The following WWC1 variants were observed in gnomAD, a reference collection of about 807,000 sequenced individuals.
The protein encoded by WWC1 is WW and C2 domain containing 1.
Under a neutral mutation model 138.4 loss-of-function variants are expected in WWC1, and 55 were observed. The ratio of observed to expected loss-of-function variants is 0.40; its 90% confidence interval spans 0.32 to 0.50. The LOEUF (loss-of-function observed/expected upper bound fraction) is 0.50, where lower values mean the gene tolerates loss of function less well. WWC1 is among the 20% of genes least tolerant of loss of function. WWC1 has a pLI of 0.72. For missense variants in WWC1, 1,226 were observed against 1,420.4 expected (o/e 0.86, Z 2.20); for synonymous variants, 524 against 564.9 (o/e 0.93, Z 1.03).
Position 168,303,691 on chromosome 5 carries a change from A to G in WWC1, c.119+11420A>G, listed in dbSNP as rs535063697. On this transcript the variant is annotated intron_variant, in intron 1 of 22. Coordinates refer to ENST00000265293, the MANE Select transcript of WWC1 (RefSeq NM_015238.3). ...AGGGACTTCTCTTTCATTAGAATGT[A>G]TAGAATTTGTATTTTCATGGCCACA... Among the ~76,000 whole-genome samples the G allele has an allele frequency of 2.7e-3, 417 of 152,230 alleles. 1 individual carries two copies. The highest frequency in any genetic ancestry group is 4.9e-3 in the Non-Finnish European group (333 of 68,006).
At chr5:168,316,156 GACC>G (rs1771573703) in intron 1 of WWC1, among the ~76,000 whole-genome samples, 1 of 152,008 alleles carries the variant, frequency 6.6e-6, no homozygotes, top group Admixed American at 6.6e-5. Flanking sequence ...CAGAATTTGC[GACC>G]ACGATTTTCT....
chr5:168,319,197 A>G (rs1305480254), intron 1 of WWC1, among the ~76,000 whole-genome samples: 1 of 152,156 alleles, frequency 6.6e-6, no homozygotes, highest in Non-Finnish European at 1.5e-5. Context: ...AGGTGAGTGG[A>G]TCACCTGACG....
At chr5:168,441,646 C>A in intron 15 of WWC1, 36 bp from the exon 16 acceptor site, 1 of 1,600,762 alleles carries the variant, frequency 6.2e-7, no homozygotes, top group Non-Finnish European at 8.5e-7. Flanking sequence ...TCCCCCCCAC[C>A]GCCACTTATG....
In WWC1 at chr5:168,343,118, A is replaced by G. The variant is rs1774182228; in HGVS notation, c.120-28306A>G. On this transcript the variant is annotated intron_variant, in intron 1 of 22. Transcript: ENST00000265293. ...GCAGATGGACCTCCCAATTTTCTCA[A>G]CTTTACTTCCCTTTCACATTTGCAC... is the stretch of plus-strand genomic sequence containing the variant. Among the ~76,000 whole-genome samples the G allele has an allele frequency of 3.3e-5, 5 of 149,796 alleles. No individual in the cohort carries two copies. In the South Asian group the frequency reaches 8.4e-4, roughly 25 times the overall value.
chr5:168,454,819 C>T (rs1054376198), intron 18 of WWC1, among the ~76,000 whole-genome samples: 1 of 152,246 alleles, frequency 6.6e-6, no homozygotes, highest in Non-Finnish European at 1.5e-5. Flanking sequence ...TTTAGGCTGA[C>T]AAAGGTCCTG....
chr5:168,403,871 T>TAG (rs1244295959), intron 5 of WWC1, among the ~76,000 whole-genome samples: 4,973 of 134,430 alleles, frequency 0.037, 125 homozygotes, highest in Middle Eastern at 0.078. Context: ...AACACATGCA[T>TAG]ACACACACAC....
chr5:168,313,751 G>C (rs1554089079), intron 1 of WWC1, among the ~76,000 whole-genome samples: 1 of 152,060 alleles, frequency 6.6e-6, no homozygotes, highest in East Asian at 1.9e-4. Flanking sequence ...TTCTTTTGTG[G>C]CTGCCTGTGC....
At chr5:168,342,928 G>A (rs1241128496) in intron 1 of WWC1, among the ~76,000 whole-genome samples, 1 of 152,102 alleles carries the variant, frequency 6.6e-6, no homozygotes, top group African/African-American at 2.4e-5. Flanking sequence ...CCAAGTATCT[G>A]GGCACTAGGC....
intron 5 of WWC1, among the ~76,000 whole-genome samples, chr5:168,401,104 A>G (rs1779276417): frequency 6.6e-6 from 1 of 152,156 alleles, no homozygotes; most frequent in Admixed American, 6.5e-5. Flanking sequence ...AAAAAGGAAA[A>G]AAAGAAAGAA....
intron 1 of WWC1, among the ~76,000 whole-genome samples, chr5:168,345,701 T>A (rs961219810): frequency 6.6e-6 from 1 of 152,172 alleles, no homozygotes; most frequent in African/African-American, 2.4e-5. Flanking sequence ...TGGGGAGCAA[T>A]ATTTGTATAG....
chr5:168,324,924 T>A (rs1772407868), intron 1 of WWC1, among the ~76,000 whole-genome samples: 1 of 152,182 alleles, frequency 6.6e-6, no homozygotes. Context: ...GGGTGATTCA[T>A]CAAAAAGACA....
chr5:168,396,121 C>T (rs770909692), intron 3 of WWC1, among the ~76,000 whole-genome samples: 2 of 151,722 alleles, frequency 1.3e-5, no homozygotes, highest in Non-Finnish European at 2.9e-5. Context: ...CGGTGGCTCA[C>T]GCCTGTAATC....
At chr5:168,410,036 A>G (rs1480173510) in intron 8 of WWC1, 41 bp downstream of exon 8, 1 of 1,586,534 alleles carries the variant, frequency 6.3e-7, no homozygotes, top group Non-Finnish European at 8.7e-7. Flanking sequence ...TTCCAAAAAT[A>G]ATAACTACTA....
intron 20 of WWC1, among the ~76,000 whole-genome samples, 164 bp downstream of exon 20, chr5:168,460,906 T>C (rs925709727): frequency 6.6e-6 from 1 of 152,198 alleles, no homozygotes; most frequent in African/African-American, 2.4e-5. Flanking sequence ...TTGTGAACTA[T>C]GAGGCCTGTG....
intron 1 of WWC1, among the ~76,000 whole-genome samples, chr5:168,367,544 C>T (rs1776401948): frequency 9.6e-6 from 1 of 104,676 alleles, no homozygotes; most frequent in Admixed American, 1.1e-4. Flanking sequence ...TGGTCTCGAT[C>T]TCCTGACCTC....
chr5:168,353,478 G>A (rs1775151029), intron 1 of WWC1, among the ~76,000 whole-genome samples: 3 of 152,346 alleles, frequency 2.0e-5, no homozygotes, highest in Admixed American at 6.5e-5. Flanking sequence ...GCCTGCCGTC[G>A]TCTTGCCAAC....
intron 3 of WWC1, among the ~76,000 whole-genome samples, chr5:168,393,771 C>T (rs536909074): frequency 1.3e-5 from 2 of 152,232 alleles, no homozygotes; most frequent in East Asian, 3.9e-4. Flanking sequence ...TGAAGCAGGG[C>T]AGAAGCCCTG....
intron 2 of WWC1, among the ~76,000 whole-genome samples, chr5:168,376,222 T>C (rs1777154820): frequency 6.6e-6 from 1 of 152,006 alleles, no homozygotes; most frequent in Admixed American, 6.6e-5. Flanking sequence ...CCTAGCTAAT[T>C]TTTGTATTTT....
At chr5:168,409,790 C>T in intron 7 of WWC1, 132 bp from the exon 8 acceptor site, 1 of 874,772 alleles carries the variant, frequency 1.1e-6, no homozygotes, top group Non-Finnish European at 1.9e-6. Context: ...ATCTGCACCG[C>T]CAGCCCAGTC....
Sources: allele counts gnomAD v4.1 joint callset (sites outside exome capture counted in the v4.1 genomes callset), GRCh38; gene constraint gnomAD v4.1.1; transcripts MANE v1.5; gene names NCBI Gene and HGNC (gene_info 2026-07-23, HGNC 2026-07-21).